Variants in KIAA0825 observed in about 807,000 individuals in gnomAD.
KIAA0825 encodes uncharacterized protein KIAA0825.
Under a neutral mutation model 147.6 loss-of-function variants are expected in KIAA0825, and 119 were observed. The observed-to-expected ratio is 0.81, with a 90% CI of 0.69 to 0.94. The LOEUF (loss-of-function observed/expected upper bound fraction) is 0.94. KIAA0825 is among the 40% of genes least tolerant of loss of function. The pLI is 0.00. For synonymous variants in KIAA0825, 470 were observed against 518.1 expected, an observed-to-expected ratio of 0.91 and a Z score of 1.26; for missense variants, 1,381 against 1,472.7, an observed-to-expected ratio of 0.94 and a Z score of 1.02.
At chr5:94,381,455 C>T (rs192564219) in intron 20 of KIAA0825, among the ~76,000 whole-genome samples, 15 of 152,254 alleles carry the variant, frequency 9.9e-5, no homozygotes, top group Non-Finnish European at 1.8e-4. Flanking sequence ...CACACAAATG[C>T]AGTGATGTGT....
rs147933067 is a variant in KIAA0825 at position 94,243,662 on chromosome 5, C to A, written c.3711-89538G>T. ...GTCACATCTCCTAGGTCCATAAAAT[C>A]TTAGAGTGTTTCGAAGAGGTTACAC... On this transcript the variant is annotated intron_variant, in intron 20 of 20. Transcript: ENST00000682413. Among the ~76,000 whole-genome samples, 724 of 152,228 alleles carry A rather than the reference C, an allele frequency of 4.8e-3. 16 individuals are homozygous for A. The highest frequency in any genetic ancestry group is 8.5e-3 in the East Asian group (44 of 5,174).
chr5:94,499,590 G>A (rs369168884), intron 5 of KIAA0825, among the ~76,000 whole-genome samples: 5 of 147,342 alleles, frequency 3.4e-5, no homozygotes, highest in African/African-American at 1.3e-4. Context: ...CAATCTGGGG[G>A]GGGGGGGGGA....
chr5:94,387,193 T>C (rs1749269467), intron 18 of KIAA0825, among the ~76,000 whole-genome samples: 1 of 152,216 alleles, frequency 6.6e-6, no homozygotes, highest in South Asian at 2.1e-4. Context: ...TCTTGTGATG[T>C]TTCATGTGTC....
chr5:94,223,599 C>T (rs1773857557), intron 20 of KIAA0825, among the ~76,000 whole-genome samples: 1 of 152,188 alleles, frequency 6.6e-6, no homozygotes, highest in Non-Finnish European at 1.5e-5. Flanking sequence ...TTAAACTCCA[C>T]TTACAAACAG....
At chr5:94,454,228 T>C (rs535781474) in intron 12 of KIAA0825, among the ~76,000 whole-genome samples, 1 of 152,330 alleles carries the variant, frequency 6.6e-6, no homozygotes, top group East Asian at 1.9e-4. Context: ...TGACTGGGAA[T>C]ACTTTAGAAA....
At chr5:94,555,281 C>T (rs1240980464) in intron 2 of KIAA0825, among the ~76,000 whole-genome samples, 1 of 152,006 alleles carries the variant, frequency 6.6e-6, no homozygotes, top group African/African-American at 2.4e-5. Flanking sequence ...TCATTTAAAA[C>T]CCTTAGATAT....
intron 20 of KIAA0825, among the ~76,000 whole-genome samples, chr5:94,292,513 AT>A (rs1244569373): frequency 3.3e-5 from 5 of 152,112 alleles, no homozygotes; most frequent in Non-Finnish European, 5.9e-5. Flanking sequence ...GTTTGCAAGT[AT>A]TTTATTGAGG....
At chr5:94,384,260 C>T (rs1454066815) in intron 20 of KIAA0825, 108 bp downstream of exon 20, 5 of 759,730 alleles carry the variant, frequency 6.6e-6, no homozygotes, top group Non-Finnish European at 1.1e-5. Flanking sequence ...AATGTTTTCA[C>T]TTTTCCCAAA....
intron 2 of KIAA0825, among the ~76,000 whole-genome samples, chr5:94,565,714 G>C (rs1778589955): frequency 6.6e-6 from 1 of 151,950 alleles, no homozygotes; most frequent in African/African-American, 2.4e-5. Context: ...GTTTGTAGTG[G>C]GGAAATAGTG....
chr5:94,384,475 G>C lies in KIAA0825; in HGVS notation c.3620-17C>G. ...TTGTGATGGCTGACTGTTGATAAAT[G>C]AGAAGACACTATTGTTAGTTATTAA... On this transcript the variant is annotated splice_polypyrimidine_tract_variant and intron_variant, in intron 19 of 20. Coordinates refer to ENST00000682413, the MANE Select transcript of KIAA0825 (RefSeq NM_001145678.3). 3.3e-6 allele frequency: 5 copies of C among 1,534,588 alleles called. No individual in the cohort carries two copies. Among genetic ancestry groups the C allele is most frequent in the Non-Finnish European group, 4.4e-6 (5 of 1,131,352 alleles).
chr5:94,327,960 T>C (rs1780869206), intron 20 of KIAA0825, among the ~76,000 whole-genome samples: 4 of 152,056 alleles, frequency 2.6e-5, no homozygotes, highest in Admixed American at 2.0e-4. Flanking sequence ...GAGCCAAGAC[T>C]GCACCACTGC....
At chr5:94,330,354 T>C (rs2150286313) in intron 20 of KIAA0825, among the ~76,000 whole-genome samples, 1 of 152,262 alleles carries the variant, frequency 6.6e-6, no homozygotes, top group South Asian at 2.1e-4. Context: ...TTAGTTGAGC[T>C]GAAATCATAC....
chr5:94,242,126 T>A (rs1775376377), intron 20 of KIAA0825, among the ~76,000 whole-genome samples: 1 of 152,242 alleles, frequency 6.6e-6, no homozygotes, highest in African/African-American at 2.4e-5. Context: ...CAGGTATGTA[T>A]AATGAACTTG....
At chr5:94,204,314 TAA>T (rs1349376719) in intron 20 of KIAA0825, among the ~76,000 whole-genome samples, 1 of 152,160 alleles carries the variant, frequency 6.6e-6, no homozygotes, top group Non-Finnish European at 1.5e-5. Flanking sequence ...AAGTTCACAT[TAA>T]AGTAGTTACC....
intron 20 of KIAA0825, among the ~76,000 whole-genome samples, chr5:94,319,358 A>C (rs1779949758): frequency 6.6e-6 from 1 of 151,896 alleles, no homozygotes; most frequent in South Asian, 2.1e-4. Flanking sequence ...AGTCAAGTCC[A>C]TCATGGCTTA....
At chr5:94,171,189 C>T (rs975801366) in intron 20 of KIAA0825, among the ~76,000 whole-genome samples, 14 of 152,248 alleles carry the variant, frequency 9.2e-5, no homozygotes, top group Middle Eastern at 3.4e-3. Context: ...GCAGGTCTTT[C>T]CTATGCTGTT....
chr5:94,316,739 TCCTTTCAGAGTGA>T (rs1779699396), intron 20 of KIAA0825, among the ~76,000 whole-genome samples: 1 of 151,834 alleles, frequency 6.6e-6, no homozygotes, highest in Admixed American at 6.6e-5. Flanking sequence ...TGCTTTTGCA[TCCTTTCAGAGTGA>T]TTAAATGCAA....
At chr5:94,254,676 A>G (rs955023570) in intron 20 of KIAA0825, among the ~76,000 whole-genome samples, 1 of 152,174 alleles carries the variant, frequency 6.6e-6, no homozygotes, top group African/African-American at 2.4e-5. Flanking sequence ...GACAAGTTTA[A>G]TTAAGCTTAC....
chr5:94,155,261 A>G (rs1583687648), intron 20 of KIAA0825, among the ~76,000 whole-genome samples: 1 of 127,116 alleles, frequency 7.9e-6, no homozygotes, highest in African/African-American at 3.1e-5. Context: ...TCTGTTACCC[A>G]GGCTGGAGTG....
Sources: allele counts gnomAD v4.1 joint callset (sites outside exome capture counted in the v4.1 genomes callset), GRCh38; gene constraint gnomAD v4.1.1; transcripts MANE v1.5; gene names NCBI Gene and HGNC (gene_info 2026-07-23, HGNC 2026-07-21).